The following POGLUT3 variants were observed in gnomAD, a reference collection of about 807,000 sequenced individuals.
POGLUT3 encodes the protein protein O-glucosyltransferase 3.
In POGLUT3, 48 loss-of-function variants were observed where a neutral mutation model predicts 54.3. The observed-to-expected ratio is 0.88, with a 90% confidence interval of 0.70 to 1.12. POGLUT3 has a LOEUF of 1.12. Among genes scored for constraint, POGLUT3 ranks in the 50% most tolerant of loss-of-function variants. POGLUT3 has a pLI of 0.00. For synonymous variants in POGLUT3, 218 were observed against 237.4 expected, an observed-to-expected ratio of 0.92 and a Z score of 0.75; for missense variants, 629 against 618.7, an observed-to-expected ratio of 1.02 and a Z score of -0.18.
chr11:108,484,147 C>G (rs10749918), intron 3 of POGLUT3, among the ~76,000 whole-genome samples: 62,759 of 151,802 alleles, frequency 0.41, 13,401 homozygotes, highest in Middle Eastern at 0.65. Flanking sequence ...AATAGCAACC[C>G]CTGAGTTGTG....
intron 7 of POGLUT3, among the ~76,000 whole-genome samples, chr11:108,475,962 C>A (rs1341460454): frequency 6.6e-6 from 1 of 151,804 alleles, no homozygotes; most frequent in Admixed American, 6.6e-5. Flanking sequence ...CAGGGAAACA[C>A]GGCAAGAGCT....
At chr11:108,476,650 A>T (rs2093582362) in intron 7 of POGLUT3, among the ~76,000 whole-genome samples, 1 of 152,192 alleles carries the variant, frequency 6.6e-6, no homozygotes, top group Non-Finnish European at 1.5e-5. Context: ...AAAAACAAGA[A>T]CATAATTTCC....
intron 3 of POGLUT3, among the ~76,000 whole-genome samples, chr11:108,485,090 T>C (rs899138042): frequency 6.6e-6 from 1 of 152,082 alleles, no homozygotes; most frequent in East Asian, 1.9e-4. Context: ...AGTGCAGAGA[T>C]GTCTATTTTT....
In POGLUT3 at chr11:108,482,151, T is replaced by C. The variant is rs1286676955; in HGVS notation, c.756A>G (p.Gly252=). 1 of 1,614,078 alleles carries C rather than the reference T, an allele frequency of 6.2e-7. No individual in the cohort carries two copies. The highest frequency in any genetic ancestry group is 1.1e-5 in the South Asian group (1 of 91,066). ...DWPLEHRKVN[G]TPSPIPIISW... is the part of the protein sequence containing the mutation. ...AAATGATAGGTATGGGGCTAGGGGTTCCATTGACTTTTCGATGCTCCAAGG... is the reference window on the plus strand; with the variant it reads ...AAATGATAGGTATGGGGCTAGGGGTCCCATTGACTTTTCGATGCTCCAAGG... The change falls in exon 4 of 8, where the codon GGA becomes GGG. Residue 252 remains glycine (G), a synonymous_variant. Transcript: ENST00000323468.
At position 108,472,309 on chromosome 11, in the gene POGLUT3, AC is replaced by A. The variant is rs2093570536; in HGVS notation, c.*2517del. ...TTCTTTATTTTGCAATTTGATCCAT[AC>A]TTACAGTAAAAAAAAATCTAAATAT... On this transcript the variant is annotated 3_prime_UTR_variant, in exon 8 of 8. Coordinates refer to ENST00000323468, the MANE Select transcript of POGLUT3 (RefSeq NM_153705.5). The A allele has an allele frequency of 6.6e-6, 1 of 152,154 alleles. No individual in the cohort carries two copies. The highest frequency in any genetic ancestry group is 1.5e-5 in the Non-Finnish European group (1 of 68,034). The allele number at this position is 152,154 out of a possible 1,614,324, so 9.4% of individuals were successfully genotyped here.
chr11:108,475,828 T>C lies in POGLUT3; in HGVS notation c.1399-876A>G, dbSNP rs889053807. On this transcript the variant is annotated intron_variant, in intron 7 of 7. Transcript: ENST00000323468. Reference sequence around the variant, plus strand: ...CCCTTTTGCTGTATATTCCTGGTACTGGACCAAATGCAACAAAATGTTGAC... The same window carrying C: ...CCCTTTTGCTGTATATTCCTGGTACCGGACCAAATGCAACAAAATGTTGAC... 3.3e-5 allele frequency among the ~76,000 whole-genome samples: 5 copies of C among 152,106 alleles called. No individual in the cohort carries two copies. The South Asian group carries it at 6.2e-4, about 19-fold the overall frequency.
chr11:108,475,634 AT>A (rs1452527316), intron 7 of POGLUT3, among the ~76,000 whole-genome samples: 1 of 151,132 alleles, frequency 6.6e-6, no homozygotes, highest in Non-Finnish European at 1.5e-5. Context: ...TGCCCAGCTA[AT>A]TTTTTTCATT....
chr11:108,481,773 C>T (rs2093593161), intron 4 of POGLUT3, among the ~76,000 whole-genome samples: 1 of 152,168 alleles, frequency 6.6e-6, no homozygotes, highest in African/African-American at 2.4e-5. Context: ...GCATTAGCTT[C>T]TTCCATTTTC....
chr11:108,496,654 A>G (rs936235469), intron 1 of POGLUT3, among the ~76,000 whole-genome samples: 3 of 151,998 alleles, frequency 2.0e-5, no homozygotes, highest in African/African-American at 7.2e-5. Context: ...TTTAGGGTCT[A>G]ACTGGTAGAC....
In POGLUT3 at chr11:108,482,088, A is replaced by T. The variant is rs2093593918; in HGVS notation, c.819T>A (p.Leu273=). ...CGSLDSRDVV[L]PTYDITHSML... is the part of the protein sequence containing the mutation. The stretch of plus-strand genomic sequence containing the variant: ...TGGAGTGGGTGATGTCATACGTTGG[A>T]AGGACAACATCTCTTGAATCCAGAG... The change falls in exon 4 of 8, where the codon CTT becomes CTA. Residue 273 remains leucine, a synonymous_variant. Coordinates refer to ENST00000323468, the MANE Select transcript of POGLUT3 (RefSeq NM_153705.5). 1.2e-6 allele frequency: 2 copies of T among 1,613,998 alleles called. No individual in the cohort carries two copies. Among genetic ancestry groups the T allele is most frequent in the Non-Finnish European group, 1.7e-6 (2 of 1,180,014 alleles).
chr11:108,491,201 T>C (rs1403634900), intron 1 of POGLUT3, 34 bp from the exon 2 acceptor site: 1 of 1,509,074 alleles, frequency 6.6e-7, no homozygotes, highest in Non-Finnish European at 9.2e-7. Flanking sequence ...AACTCTACCA[T>C]GTCATGATAA....
At position 108,491,077 on chromosome 11, in the gene POGLUT3, C is replaced by T; in HGVS notation, c.293G>A (p.Gly98Glu). 4 of 1,614,030 alleles carry T rather than the reference C, an allele frequency of 2.5e-6. No individual in the cohort carries two copies. The highest frequency in any genetic ancestry group is 3.4e-6 in the Non-Finnish European group (4 of 1,179,904). ...HVPKPLDRND[G>E]TFLMRYRMYE... ...CATCCTATATCTCATCAAAAATGTT[C>T]CATCATTCCTGTCCAAAGGTTTAGG... is the stretch of plus-strand genomic sequence containing the variant. The change falls in exon 2 of 8, where the codon GGA becomes GAA. Residue 98 changes from glycine to glutamate, a missense_variant. Transcript: ENST00000323468.
At chr11:108,484,264 G>C (rs2093598491) in intron 3 of POGLUT3, among the ~76,000 whole-genome samples, 1 of 152,138 alleles carries the variant, frequency 6.6e-6, no homozygotes, top group Non-Finnish European at 1.5e-5. Context: ...AAAGAGGCAA[G>C]AATACAGGGC....
In POGLUT3 at chr11:108,481,291, GGA is replaced by G. The variant is rs2135850388; in HGVS notation, c.985_986del (p.Ser329GlnfsTer34). ...CATCTAGTAGCTGAGGATTTTCTTT[GGA>G]CAGCTGTACCAACTGGAGCCTCTCC... ...REERLQLVQL[S>X]KENPQLLDAG... On this transcript the variant is annotated frameshift_variant, in exon 5 of 8. Transcript: ENST00000323468. LOFTEE classifies it high-confidence loss of function. The G allele has an allele frequency of 4.3e-6, 7 of 1,612,680 alleles. No individual in the cohort carries two copies. The highest frequency in any genetic ancestry group is 5.9e-6 in the Non-Finnish European group (7 of 1,179,354).
chr11:108,479,623 A>T (rs1417016802), intron 5 of POGLUT3, 128 bp from the exon 6 acceptor site: 3 of 571,666 alleles, frequency 5.2e-6, no homozygotes, highest in Non-Finnish European at 8.7e-6. Context: ...TGTGTTTAAA[A>T]GTTTTATTTT....
At chr11:108,496,711 G>C (rs1353695875) in intron 1 of POGLUT3, among the ~76,000 whole-genome samples, 1 of 152,180 alleles carries the variant, frequency 6.6e-6, no homozygotes, top group Admixed American at 6.5e-5. Flanking sequence ...GTGGTGTTCT[G>C]AATCAAATGT....
At chr11:108,497,438 C>T (rs1046068444) in intron 1 of POGLUT3, among the ~76,000 whole-genome samples, 7 of 152,104 alleles carry the variant, frequency 4.6e-5, no homozygotes, top group African/African-American at 1.4e-4. Flanking sequence ...TTGGCCAGAG[C>T]CCCAAATTAT....
intron 5 of POGLUT3, among the ~76,000 whole-genome samples, chr11:108,480,258 T>C (rs1460621936): frequency 2.0e-5 from 3 of 152,360 alleles, no homozygotes; most frequent in African/African-American, 7.2e-5. Context: ...GTCTCTATTT[T>C]ACAGTTTTAG....
At chr11:108,479,831 AATT>A (rs1184287280) in intron 5 of POGLUT3, among the ~76,000 whole-genome samples, 2 of 151,938 alleles carry the variant, frequency 1.3e-5, no homozygotes, top group Non-Finnish European at 2.9e-5. Flanking sequence ...AGTTTTAATT[AATT>A]ATTATTATTA....
Sources: allele counts gnomAD v4.1 joint callset (sites outside exome capture counted in the v4.1 genomes callset), GRCh38; gene constraint gnomAD v4.1.1; transcripts MANE v1.5; gene names NCBI Gene and HGNC (gene_info 2026-07-23, HGNC 2026-07-21).